The following HSPA12A variants were observed in gnomAD, a reference collection of about 807,000 sequenced individuals.
HSPA12A encodes the protein heat shock protein family A (Hsp70) member 12A, also known as heat shock 70 kDa protein 12A.
Under a neutral mutation model 69.2 loss-of-function variants are expected in HSPA12A, and 28 were observed. The observed-to-expected ratio is 0.40, with a 90% CI of 0.30 to 0.55. HSPA12A has a LOEUF of 0.55. Ranked by LOEUF, HSPA12A falls within the 20% of genes least tolerant of loss-of-function variation. HSPA12A has a pLI of 0.38. For synonymous variants in HSPA12A, 345 were observed against 370.5 expected, an observed-to-expected ratio of 0.93 and a Z score of 0.79; for missense variants, 686 against 900.7, an observed-to-expected ratio of 0.76 and a Z score of 3.05.
intron 2 of HSPA12A, among the ~76,000 whole-genome samples, chr10:116,793,416 C>A (rs1187239926): frequency 6.6e-6 from 1 of 152,082 alleles, no homozygotes; most frequent in East Asian, 1.9e-4. Flanking sequence ...ACAAAAGATA[C>A]AAGAATTAGC....
At chr10:116,777,060 G>A (rs1844353829) in intron 2 of HSPA12A, among the ~76,000 whole-genome samples, 1 of 152,190 alleles carries the variant, frequency 6.6e-6, no homozygotes, top group Non-Finnish European at 1.5e-5. Context: ...CTCCTGTGTA[G>A]CCCGCTGAAT....
chr10:116,833,511 T>C (rs892544305), intron 2 of HSPA12A: 7 of 152,198 alleles, frequency 4.6e-5, no homozygotes, highest in African/African-American at 1.4e-4. Context: ...AAGAACATGA[T>C]AGAAAGAGTT....
chr10:116,734,372 C>T (rs1851246826), intron 1 of HSPA12A, among the ~76,000 whole-genome samples: 2 of 151,294 alleles, frequency 1.3e-5, no homozygotes, highest in African/African-American at 4.9e-5. Context: ...ATCACTTGAA[C>T]CCAGGTGGTG....
chr10:116,698,221 C>CT (rs1257678688), intron 5 of HSPA12A: 1 of 158,542 alleles, frequency 6.3e-6, no homozygotes, highest in Non-Finnish European at 1.4e-5. Context: ...ACTGTTTCTA[C>CT]TTTTCACAGT....
At position 116,686,255 on chromosome 10, in the gene HSPA12A, G is replaced by A. The variant is rs1589627487; in HGVS notation, c.664-2293C>T. Among the ~76,000 whole-genome samples, 1 of 152,162 alleles carries A rather than the reference G, an allele frequency of 6.6e-6. No homozygotes were observed. The highest frequency in any genetic ancestry group is 6.5e-5 in the Admixed American group (1 of 15,268). On this transcript the variant is annotated intron_variant, in intron 6 of 11. Transcript: ENST00000369209. This position sits in a 1 kb window ranked among gnomAD's most constrained non-coding sequence, Gnocchi z 4.1. The stretch of plus-strand genomic sequence containing the variant: ...GAAACCTCTGAGCCTGGATCCCAAG[G>A]GGTCGGGAGGAAGAAATCCCAAATA...
intron 2 of HSPA12A, among the ~76,000 whole-genome samples, chr10:116,786,086 G>A (rs985195942): frequency 2.6e-5 from 4 of 152,192 alleles, no homozygotes; most frequent in African/African-American, 4.8e-5. Flanking sequence ...TGAGGTTAGC[G>A]CCAGAGAAGC....
rs1850282857 is a variant in HSPA12A at position 116,707,188 on chromosome 10, C to CAT, written c.126+11_126+12insAT. The CAT allele has an allele frequency of 1.3e-6, 2 of 1,568,766 alleles. No individual in the cohort carries two copies. Among genetic ancestry groups the CAT allele is most frequent in the Non-Finnish European group, 1.7e-6 (2 of 1,147,918 alleles). On this transcript the variant is annotated intron_variant, in intron 2 of 11. Transcript: ENST00000369209. ...ACACACACACACACACACACACACA[C>CAT]ACACTTCTTACCACAATATGGGAGG...
intron 2 of HSPA12A, among the ~76,000 whole-genome samples, chr10:116,823,887 A>G (rs1157890665): frequency 1.3e-5 from 2 of 152,214 alleles, no homozygotes; most frequent in African/African-American, 2.4e-5. Context: ...ACATGCAACA[A>G]GAAAAATATG....
chr10:116,692,245 T>A, intron 6 of HSPA12A, 106 bp downstream of exon 6: 1 of 809,504 alleles, frequency 1.2e-6, no homozygotes, highest in Non-Finnish European at 2.0e-6. Flanking sequence ...CTGCCTCCCA[T>A]GGAGGCCAGT....
chr10:116,825,269 G>A (rs1284227179), intron 2 of HSPA12A, among the ~76,000 whole-genome samples: 3 of 151,998 alleles, frequency 2.0e-5, no homozygotes, highest in African/African-American at 4.8e-5. Context: ...CAGCACCTTG[G>A]GAGGCCTAGA....
chr10:116,707,347 T>C (rs1850289285), intron 1 of HSPA12A, 62 bp from the exon 2 acceptor site: 1 of 1,325,760 alleles, frequency 7.5e-7, no homozygotes, highest in South Asian at 1.2e-5. Context: ...GGGGAAGAAA[T>C]GAGGGCTGCA....
intron 2 of HSPA12A, chr10:116,750,405 G>C: frequency 1.4e-6 from 1 of 691,744 alleles, no homozygotes; most frequent in Non-Finnish European, 2.7e-6. Context: ...AGCACAGATG[G>C]AGGCTTGTCT....
At chr10:116,726,912 A>C (rs1489837325) in intron 1 of HSPA12A, among the ~76,000 whole-genome samples, 1 of 152,208 alleles carries the variant, frequency 6.6e-6, no homozygotes, top group Non-Finnish European at 1.5e-5. Context: ...TGAAGACCCC[A>C]GACTGCACAG....
At chr10:116,734,719 C>T (rs1193232212) in intron 1 of HSPA12A, among the ~76,000 whole-genome samples, 3 of 147,388 alleles carry the variant, frequency 2.0e-5, no homozygotes, top group Non-Finnish European at 4.4e-5. Context: ...CTGGGCTGAG[C>T]ACGGTGGCTC....
At chr10:116,756,269 C>T (rs11197812) in intron 2 of HSPA12A, among the ~76,000 whole-genome samples, 312 of 152,366 alleles carry the variant, frequency 2.0e-3, no homozygotes, top group Non-Finnish European at 3.5e-3. Flanking sequence ...TACTGTCACT[C>T]TGGCTCTCGC....
intron 6 of HSPA12A, among the ~76,000 whole-genome samples, chr10:116,688,557 A>G (rs1367446618): frequency 6.6e-6 from 1 of 152,188 alleles, no homozygotes; most frequent in Non-Finnish European, 1.5e-5. Flanking sequence ...CTGCCAAGGG[A>G]CTGTGTCCAC....
intron 1 of HSPA12A, among the ~76,000 whole-genome samples, chr10:116,727,210 A>G (rs1850994649): frequency 6.6e-6 from 1 of 152,218 alleles, no homozygotes. Flanking sequence ...GAATTCCGCA[A>G]CTTGGGCTTT....
At chr10:116,780,779 A>G (rs1443091783) in intron 2 of HSPA12A, among the ~76,000 whole-genome samples, 5 of 152,214 alleles carry the variant, frequency 3.3e-5, no homozygotes, top group African/African-American at 1.2e-4. Context: ...ATATTTCAAA[A>G]TATCTACAAG....
intron 2 of HSPA12A, among the ~76,000 whole-genome samples, chr10:116,823,084 C>G (rs1034004895): frequency 6.6e-6 from 1 of 152,170 alleles, no homozygotes; most frequent in South Asian, 2.1e-4. Context: ...GAATCATATC[C>G]ACAAGTTTGA....
Sources: gnomAD v4.1 joint callset for allele counts (sites outside exome capture counted in the v4.1 genomes callset) on GRCh38, gnomAD v4.1.1 for gene constraint, Gnocchi (gnomAD v3.1) non-coding constraint, MANE v1.5 for transcripts, NCBI Gene and HGNC (gene_info 2026-07-23, HGNC 2026-07-21) for gene names.